TTN: variants seen among roughly 807,000 people sequenced by gnomAD.
TTN encodes titin, also known as connectin.
In TTN, 1,525 loss-of-function variants were observed where a neutral mutation model predicts 3,223.0. That is an observed-to-expected ratio of 0.47 (90% CI 0.45 to 0.49). The LOEUF is 0.49. Among genes scored for constraint, TTN ranks in the 20% least tolerant of loss-of-function variants. The pLI, the probability that TTN is intolerant of heterozygous loss-of-function variation, is 0.00. For synonymous variants in TTN, 14,094 were observed against 15,161.0 expected (o/e 0.93, Z 5.17); for missense variants, 40,786 against 43,424.0 (o/e 0.94, Z 5.40).
In TTN at chr2:178,746,984, C is replaced by A. The variant is rs66677602; in HGVS notation, c.11312-5063G>T. 0.053 allele frequency: 85,637 copies of A among 1,613,354 alleles called. 3,938 individuals carry two copies. The highest frequency in any genetic ancestry group is 0.21 in the Admixed American group (12,326 of 59,900). On this transcript the variant is annotated intron_variant, in intron 47 of 362. Coordinates refer to ENST00000589042, the MANE Select transcript of TTN (RefSeq NM_001267550.2). ...ATGCTCATTTGGTGTACCGTCTTCC[C>A]TTTCTATTTTTGATGGATATGTTTT... is the stretch of plus-strand genomic sequence containing the variant.
rs748971754 is a variant in TTN, at chr2:178,534,310, A to C, written c.102305T>G (p.Leu34102Arg). 5 of 1,613,566 alleles carry C rather than the reference A, an allele frequency of 3.1e-6. No individual in the cohort carries two copies. The highest frequency in any genetic ancestry group is 1.6e-4 in the Middle Eastern group (1 of 6,082). Residue 34102 changes from leucine (L) to arginine (R), a missense_variant, in exon 358 of 363, where the codon CTC becomes CGC. Coordinates refer to ENST00000589042, the MANE Select transcript of TTN (RefSeq NM_001267550.2). ...RYYHTLIKKD[L>R]NMVVSAARIS... ...CCGGGCTGCTGACACAACCATGTTG[A>C]GGTCTTTCTTGATCAGGGTGTGGTA...
intron 47 of TTN, chr2:178,748,608 G>C (rs145996491): frequency 2.5e-6 from 4 of 1,613,024 alleles, no homozygotes; most frequent in South Asian, 1.1e-5. Context: ...GCTTCTTCTG[G>C]TTGACCACTA....
Position 178,729,067 on chromosome 2 carries a change from G to T in TTN, c.18971C>A (p.Thr6324Asn). 3.1e-6 allele frequency: 5 copies of T among 1,612,682 alleles called. No homozygotes were observed. Among genetic ancestry groups the T allele is most frequent in the Non-Finnish European group, 4.2e-6 (5 of 1,179,330 alleles). The part of the protein sequence containing the change: ...TVAGSPPISI[T>N]WLKDDQILDE... ...AAGAATCTGATCATCCTTTAGCCAG[G>T]TTATAGAAATAGGAGGAGAACCTGC... Residue 6324 changes from threonine (T) to asparagine (N), a missense_variant, in exon 65 of 363, where the codon ACC becomes AAC. Physicochemically the swap from Thr to Asn is moderately conservative, Grantham distance 65 (BLOSUM62 0). Transcript: ENST00000589042.
Position 178,634,789 on chromosome 2 carries a change from C to T in TTN, c.42085G>A (p.Asp14029Asn), listed in dbSNP as rs794729426. Reference protein sequence around the residue: ...RFLTLHKVKLDQAGEVLYQAL... With the variant: ...RFLTLHKVKLNQAGEVLYQAL... ...TGGTAGAGGACTTCACCAGCTTGGT[C>T]CAGTTTGACTTTGTGCAAAGTTAAG... The change falls in exon 229 of 363, where the codon GAC becomes AAC. Residue 14029 changes from aspartate to asparagine, a missense_variant. Asp to Asn is a conservative substitution (Grantham distance 23). Coordinates refer to ENST00000589042, the MANE Select transcript of TTN (RefSeq NM_001267550.2). This position sits in a 1 kb window ranked among gnomAD's most constrained non-coding sequence, Gnocchi z 4.6. The T allele has an allele frequency of 2.5e-6, 4 of 1,612,894 alleles. No individual in the cohort carries two copies. In the Admixed American group the frequency reaches 5.0e-5, roughly 20 times the overall value.
chr2:178,593,601 C>G lies in TTN; in HGVS notation c.58699G>C (p.Val19567Leu). ...ENLYGISDPL[V>L]SDSMKAKDRF... ...TCTTTGGCTTTCATTGAATCAGACA[C>G]CAGAGGATCACTTATTCCATACAGA... Residue 19567 changes from valine to leucine, a missense_variant, in exon 298 of 363, where the codon GTG (valine) becomes CTG (leucine). Physicochemically the swap from Val to Leu is conservative, Grantham distance 32. Coordinates refer to ENST00000589042, the MANE Select transcript of TTN (RefSeq NM_001267550.2). 6.2e-7 allele frequency: 1 copy of G among 1,612,688 alleles called. No homozygotes were observed. The highest frequency in any genetic ancestry group is 8.5e-7 in the Non-Finnish European group (1 of 1,179,452).
At position 178,780,065 on chromosome 2, in the gene TTN, G is replaced by A. The variant is rs1227198694; in HGVS notation, c.3664C>T (p.Gln1222Ter). ...SEYEKEYEKEQALIRKKMAKD... is the reference protein window; with the variant it reads ...SEYEKEYEKE The stretch of plus-strand genomic sequence containing the variant: ...GCCATTTTCTTCCTAATTAAGGCTT[G>A]TTCTTTTTCATACTCTTTTTCATAC... The change falls in exon 22 of 363, where the codon CAA becomes TAA. Residue 1222 changes from glutamine to a stop codon, truncating the protein, a stop_gained. Coordinates refer to ENST00000589042, the MANE Select transcript of TTN (RefSeq NM_001267550.2). LOFTEE classifies it high-confidence loss of function. The A allele has an allele frequency of 1.2e-6, 2 of 1,613,748 alleles. No homozygotes were observed. The highest frequency in any genetic ancestry group is 1.7e-6 in the Non-Finnish European group (2 of 1,179,852).
chr2:178,670,090 T>C (rs1344307588), intron 157 of TTN, 128 bp downstream of exon 157: 4 of 579,926 alleles, frequency 6.9e-6, no homozygotes, highest in East Asian at 3.3e-5. Flanking sequence ...GATTATGTTA[T>C]AGAACATAAA....
At position 178,569,122 on chromosome 2, in the gene TTN, A is replaced by G. The variant is rs1321490520; in HGVS notation, c.77010T>C (p.Ser25670=). ...WKIDQLQEGC[S]YYFRVTAENE... Reference sequence around the variant, plus strand: ...TCTCAGCTGTGACTCTAAAGTAATAACTGCAACCTTCTTGGAGCTGATCGA... The same window carrying G: ...TCTCAGCTGTGACTCTAAAGTAATAGCTGCAACCTTCTTGGAGCTGATCGA... Residue 25670 remains serine (S), a synonymous_variant, in exon 326 of 363, where the codon AGT becomes AGC. Coordinates refer to ENST00000589042, the MANE Select transcript of TTN (RefSeq NM_001267550.2). 6.2e-7 allele frequency: 1 copy of G among 1,613,486 alleles called. No homozygotes were observed. Among genetic ancestry groups the G allele is most frequent in the South Asian group, 1.1e-5 (1 of 91,048 alleles).
chr2:178,723,315 G>T lies in TTN; in HGVS notation c.21692C>A (p.Ala7231Glu). ...ATGATCACTTAATCTCTTCAAAAAT[G>T]CAGCTGGTTCTAGTAAGTGACAAAG... is the stretch of plus-strand genomic sequence containing the variant. ...TTRLFVKEPA[A>E]FLKRLSDHSV... The change falls in exon 75 of 363, where the codon GCA (alanine) becomes GAA (glutamate). Residue 7231 changes from alanine (A) to glutamate (E), a missense_variant. Transcript: ENST00000589042. 6.2e-7 allele frequency: 1 copy of T among 1,611,602 alleles called. No homozygotes were observed. The highest frequency in any genetic ancestry group is 8.5e-7 in the Non-Finnish European group (1 of 1,178,654).
intron 10 of TTN, 150 bp downstream of exon 10, chr2:178,791,922 T>A: frequency 1.3e-6 from 1 of 774,288 alleles, no homozygotes; most frequent in African/African-American, 1.8e-5. Flanking sequence ...ATTTCCATCC[T>A]GAGTTTCAAT....
chr2:178,587,446 A>C, intron 306 of TTN, 29 bp from the exon 307 acceptor site: 1 of 1,602,424 alleles, frequency 6.2e-7, no homozygotes, highest in Non-Finnish European at 8.5e-7. Flanking sequence ...TCAGATATAC[A>C]TGTCTCCTCA....
rs779533155 is a variant in TTN at position 178,652,976 on chromosome 2, C to A, written c.38876-45G>T. 64 of 1,604,274 alleles carry A rather than the reference C, an allele frequency of 4.0e-5. No homozygotes were observed. In the Admixed American group the frequency reaches 5.1e-4, roughly 13 times the overall value. On this transcript the variant is annotated intron_variant, in intron 199 of 362. Coordinates refer to ENST00000589042, the MANE Select transcript of TTN (RefSeq NM_001267550.2). ...ATTACATTTAGAAGTTTGAAGACCA[C>A]TAGAAAAGTATTTTCAAGAAATGAA...
chr2:178,599,936 G>A, intron 288 of TTN, 86 bp from the exon 289 acceptor site: 2 of 1,304,536 alleles, frequency 1.5e-6, no homozygotes, highest in South Asian at 1.6e-5. Context: ...AAAGTTGTTT[G>A]GATCCACTGT....
Position 178,543,894 on chromosome 2 carries a change from T to C in TTN, c.96250A>G (p.Thr32084Ala). 2 of 1,613,742 alleles carry C rather than the reference T, an allele frequency of 1.2e-6. No individual in the cohort carries two copies. The highest frequency in any genetic ancestry group is 1.7e-6 in the Non-Finnish European group (2 of 1,179,740). The change falls in exon 346 of 363, where the codon ACA (threonine) becomes GCA (alanine). Residue 32084 changes from threonine to alanine, a missense_variant. Coordinates refer to ENST00000589042, the MANE Select transcript of TTN (RefSeq NM_001267550.2). ...CCAGATTGGTTTTCAGCTTCAATTGTGTATTTTCCAGCATCGTACCGATTA... is the reference window on the plus strand; with the variant it reads ...CCAGATTGGTTTTCAGCTTCAATTGCGTATTTTCCAGCATCGTACCGATTA... The part of the protein sequence containing the change: ...KVNRYDAGKY[T>A]IEAENQSGKK...
chr2:178,694,675 T>TTTGAA lies in TTN; in HGVS notation c.31349_31350insTTCAA (p.Pro10451SerfsTer26). On this transcript the variant is annotated frameshift_variant and splice_region_variant, in exon 117 of 363. Transcript: ENST00000589042. LOFTEE classifies it high-confidence loss of function. ...GAACAATCTTCTTTGAAACTTCAGG[T>TTTGAA]ACTTTAAAAATATGTACAAATATAT... 3 of 1,547,880 alleles carry TTTGAA rather than the reference T, an allele frequency of 1.9e-6. No individual in the cohort carries two copies. The highest frequency in any genetic ancestry group is 2.6e-6 in the Non-Finnish European group (3 of 1,145,572).
At chr2:178,673,512 T>G in intron 152 of TTN, 121 bp downstream of exon 152, 1 of 614,170 alleles carries the variant, frequency 1.6e-6, no homozygotes, top group East Asian at 3.1e-5. Context: ...ATATTTTTAC[T>G]GGTCCTTAAT....
intron 143 of TTN, 37 bp from the exon 144 acceptor site, chr2:178,678,534 C>A: frequency 6.9e-7 from 1 of 1,453,018 alleles, no homozygotes; most frequent in Admixed American, 2.4e-5. Context: ...TTTTATACGA[C>A]ATAAAAATAC....
chr2:178,545,297 T>A, intron 344 of TTN, 91 bp downstream of exon 344: 2 of 1,264,872 alleles, frequency 1.6e-6, no homozygotes, highest in South Asian at 3.9e-5. Flanking sequence ...CATTCATAAA[T>A]TCTAAAAATT....
chr2:178,775,560 C>T lies in TTN; in HGVS notation c.6304G>A (p.Val2102Met), dbSNP rs767322897. Residue 2102 changes from valine to methionine, a missense_variant, in exon 28 of 363, where the codon GTG becomes ATG. By Grantham distance (21) the Val-to-Met change is conservative. Transcript: ENST00000589042. ...TCACATTCGGGGTCTGGTTTCCCCACGACTCTGACCCGGAAGTGTGCATCA... is the reference window on the plus strand; with the variant it reads ...TCACATTCGGGGTCTGGTTTCCCCATGACTCTGACCCGGAAGTGTGCATCA... ...GSDAHFRVRV[V>M]GKPDPECEWY... 9.9e-6 allele frequency: 16 copies of T among 1,614,022 alleles called. No individual in the cohort carries two copies. Among genetic ancestry groups the T allele is most frequent in the South Asian group, 4.4e-5 (4 of 91,076 alleles).
Sources: allele counts gnomAD v4.1 joint callset, GRCh38; gene constraint gnomAD v4.1.1; non-coding constraint Gnocchi (gnomAD v3.1); transcripts MANE v1.5; gene names NCBI Gene and HGNC (gene_info 2026-07-23, HGNC 2026-07-21).